The following RAB2B variants were observed in gnomAD, a reference collection of about 807,000 sequenced individuals.
RAB2B encodes RAB2B, member RAS oncogene family, also known as ras-related protein Rab-2B.
Under a neutral mutation model 29.8 loss-of-function variants are expected in RAB2B, and 20 were observed. The observed-to-expected ratio is 0.67, with a 90% CI of 0.47 to 0.97. RAB2B has a LOEUF of 0.97. Among genes scored for constraint, RAB2B ranks in the 50% least tolerant of loss-of-function variants. The pLI, the probability that RAB2B is intolerant of heterozygous loss-of-function variation, is 0.00. For synonymous variants in RAB2B, 93 were observed against 91.7 expected (o/e 1.01, Z -0.08); for missense variants, 218 against 272.0 (o/e 0.80, Z 1.40).
At chr14:21,473,230 A>T (rs370276211) in intron 3 of RAB2B, among the ~76,000 whole-genome samples, 6 of 152,266 alleles carry the variant, frequency 3.9e-5, no homozygotes, top group Non-Finnish European at 5.9e-5. Flanking sequence ...CACTGTTTGC[A>T]GATATAATGG....
At position 21,462,637 on chromosome 14, in the gene RAB2B, C is replaced by T. The variant is rs541201456; in HGVS notation, c.475-219G>A. On this transcript the variant is annotated intron_variant, in intron 6 of 7. Transcript: ENST00000397762. ...GGCAAGTCACTTGAGGTCAGGAGTT[C>T]GAGACCAGCCTGCCCAACATGGTGA... Among the ~76,000 whole-genome samples the T allele has an allele frequency of 2.0e-3, 302 of 151,856 alleles. 3 individuals carry two copies. Among genetic ancestry groups the T allele is most frequent in the Middle Eastern group, 6.8e-3 (2 of 294 alleles).
intron 2 of RAB2B, chr14:21,476,195 A>G: frequency 4.2e-6 from 1 of 235,800 alleles, no homozygotes; most frequent in Admixed American, 5.1e-5. Flanking sequence ...TAAGGCTGGT[A>G]TTAATTTACC....
chr14:21,471,982 A>C (rs1359825599), intron 3 of RAB2B, among the ~76,000 whole-genome samples: 1 of 152,040 alleles, frequency 6.6e-6, no homozygotes, highest in African/African-American at 2.4e-5. Context: ...GGCCTAGATG[A>C]AGGTTTGATA....
intron 1 of RAB2B, 66 bp from the exon 2 acceptor site, chr14:21,476,665 C>G (rs1890979227): frequency 1.2e-6 from 2 of 1,613,264 alleles, no homozygotes; most frequent in Non-Finnish European, 1.7e-6. Flanking sequence ...ATGGACTTCC[C>G]GGACCAGAGA....
At position 21,460,145 on chromosome 14, in the gene RAB2B, C is replaced by G. The variant is rs780990976; in HGVS notation, c.*1051G>C. ...TCTTAGGAAGTGGCAAGCAGACACC[C>G]AAAGGCAAGGAAGAAAAAAACTCAA... On this transcript the variant is annotated 3_prime_UTR_variant, in exon 8 of 8. Coordinates refer to ENST00000397762, the MANE Select transcript of RAB2B (RefSeq NM_032846.4). 5 of 518,560 alleles carry G rather than the reference C, an allele frequency of 9.6e-6. No homozygotes were observed. The highest frequency in any genetic ancestry group is 1.5e-5 in the Non-Finnish European group (4 of 259,772). 32.1% of individuals were successfully genotyped at this position (518,560 alleles called of 1,614,324 possible). A position where few individuals can be genotyped will look rare whatever the true frequency, so the allele number is the denominator to read the frequency against.
intron 5 of RAB2B, 61 bp from the exon 6 acceptor site, chr14:21,463,828 TATTTCTAAA>T (rs1263457470): frequency 8.8e-7 from 1 of 1,129,972 alleles, no homozygotes; most frequent in Non-Finnish European, 1.3e-6. Context: ...GAGGAAAGTC[TATTTCTAAA>T]AGAATTCCGT....
intron 7 of RAB2B, among the ~76,000 whole-genome samples, chr14:21,462,020 A>G (rs17106448): frequency 0.19 from 29,237 of 152,074 alleles, 3,579 homozygotes; most frequent in African/African-American, 0.34. Context: ...TATAGAAATT[A>G]CTCTCCTAAG....
At chr14:21,474,227 TAAA>T (rs1890891901) in intron 3 of RAB2B, among the ~76,000 whole-genome samples, 1 of 152,072 alleles carries the variant, frequency 6.6e-6, no homozygotes. Flanking sequence ...CTGCAATACT[TAAA>T]AATTGGAAAA....
intron 6 of RAB2B, among the ~76,000 whole-genome samples, 197 bp downstream of exon 6, chr14:21,463,459 C>G (rs1890614399): frequency 2.0e-5 from 3 of 152,108 alleles, no homozygotes; most frequent in Admixed American, 6.5e-5. Flanking sequence ...ATTGCCCAGG[C>G]TGGTCACAAA....
intron 7 of RAB2B, 103 bp from the exon 8 acceptor site, chr14:21,461,406 A>C: frequency 1.5e-6 from 1 of 682,172 alleles, no homozygotes; most frequent in Non-Finnish European, 2.4e-6. Flanking sequence ...AGAAAACAGA[A>C]AGGGGAGAAA....
intron 3 of RAB2B, among the ~76,000 whole-genome samples, chr14:21,471,034 G>A (rs898274384): frequency 2.7e-5 from 4 of 149,192 alleles, no homozygotes; most frequent in African/African-American, 7.5e-5. Context: ...ATAGGTGGGC[G>A]TGGTGGCGCA....
intron 5 of RAB2B, among the ~76,000 whole-genome samples, chr14:21,465,416 A>C (rs967453534): frequency 6.6e-6 from 1 of 152,238 alleles, no homozygotes; most frequent in Non-Finnish European, 1.5e-5. Flanking sequence ...CCAAAGTGTT[A>C]TTATTGATAC....
At chr14:21,467,643 G>A (rs1890717090) in intron 5 of RAB2B, among the ~76,000 whole-genome samples, 1 of 152,192 alleles carries the variant, frequency 6.6e-6, no homozygotes, top group South Asian at 2.1e-4. Context: ...TGAGACAGCT[G>A]CTATGGAAAA....
chr14:21,467,389 A>G (rs73581416), intron 5 of RAB2B, among the ~76,000 whole-genome samples: 20,492 of 152,028 alleles, frequency 0.13, 1,612 homozygotes, highest in Admixed American at 0.22. Context: ...GAACTTATGG[A>G]CTCAAGCAAT....
intron 3 of RAB2B, among the ~76,000 whole-genome samples, chr14:21,472,297 C>A (rs573590399): frequency 1.3e-5 from 2 of 152,288 alleles, no homozygotes; most frequent in South Asian, 4.1e-4. Flanking sequence ...ATATGCTTCT[C>A]TAAATCCACA....
intron 1 of RAB2B, 78 bp downstream of exon 1, chr14:21,476,749 T>G: frequency 6.9e-7 from 1 of 1,449,632 alleles, no homozygotes; most frequent in Non-Finnish European, 9.2e-7. Context: ...GCCCACAAAG[T>G]GAGCCCCGCC....
rs150500770 is a variant in RAB2B, at chr14:21,470,875, C to T, written c.187-2123G>A. 5.0e-3 allele frequency among the ~76,000 whole-genome samples: 753 copies of T among 152,028 alleles called. 4 individuals carry two copies. The highest frequency in any genetic ancestry group is 0.017 in the African/African-American group (717 of 41,446). On this transcript the variant is annotated intron_variant, in intron 3 of 7. Transcript: ENST00000397762. Reference sequence around the variant, plus strand: ...TTTTAAAATCAAATCACTCACCAGGCGCAGTGGCTCATGCCTGTAATCCCA... The same window carrying T: ...TTTTAAAATCAAATCACTCACCAGGTGCAGTGGCTCATGCCTGTAATCCCA...
At chr14:21,462,085 C>T (rs969616142) in intron 7 of RAB2B, among the ~76,000 whole-genome samples, 4 of 151,328 alleles carry the variant, frequency 2.6e-5, no homozygotes, top group African/African-American at 4.9e-5. Context: ...CTGAGGTTGA[C>T]AAGAAAATCT....
Position 21,463,754 on chromosome 14 carries a change from G to A in RAB2B, c.376C>T (p.Arg126Cys), listed in dbSNP as rs532949760. 18 of 1,607,482 alleles carry A rather than the reference G, an allele frequency of 1.1e-5. No homozygotes were observed. The highest frequency in any genetic ancestry group is 1.7e-4 in the Middle Eastern group (1 of 6,054). ...CCTTCTTCTCTCTTCACATCCCTGC[G>A]GGACTCTAGGTCACTGCAAGAGATT... is the stretch of plus-strand genomic sequence containing the variant. ...LIGNKSDLES[R>C]RDVKREEGEA... is the part of the protein sequence containing the mutation. Residue 126 changes from arginine (R) to cysteine (C), a missense_variant, in exon 6 of 8, where the codon CGC becomes TGC. By Grantham distance (180) the Arg-to-Cys change is radical. Transcript: ENST00000397762.
Sources: gnomAD v4.1 joint callset for allele counts (sites outside exome capture counted in the v4.1 genomes callset) on GRCh38, gnomAD v4.1.1 for gene constraint, MANE v1.5 for transcripts, NCBI Gene and HGNC (gene_info 2026-07-23, HGNC 2026-07-21) for gene names.